The following PKNOX2 variants were observed in gnomAD, a reference collection of about 807,000 sequenced individuals.
PKNOX2 encodes the protein homeobox protein PKNOX2.
A neutral mutation model predicts 53.1 loss-of-function variants in PKNOX2; 14 were observed. The observed-to-expected ratio is 0.26, with a 90% CI of 0.17 to 0.41. The LOEUF (loss-of-function observed/expected upper bound fraction) is 0.41, where lower values mean the gene tolerates loss of function less well. Ranked by LOEUF, PKNOX2 falls within the 10% of genes least tolerant of loss-of-function variation. The probability of loss-of-function intolerance (pLI) is 1.00; values close to 1 mark genes in which losing one functional copy is unlikely to be tolerated. For missense variants in PKNOX2, 496 were observed against 602.8 expected (o/e 0.82, Z 1.85); for synonymous variants, 257 against 242.8 (o/e 1.06, Z -0.54).
At chr11:125,360,914 A>G (rs918550585) in intron 4 of PKNOX2, among the ~76,000 whole-genome samples, 2 of 152,198 alleles carry the variant, frequency 1.3e-5, no homozygotes, top group African/African-American at 4.8e-5. Context: ...TGCCCAAATC[A>G]CACAGGCAGG....
chr11:125,286,733 T>C (rs1032987677), intron 2 of PKNOX2, among the ~76,000 whole-genome samples: 4 of 152,214 alleles, frequency 2.6e-5, no homozygotes, highest in African/African-American at 9.6e-5. Context: ...CCAAAGTTCA[T>C]TGTGAATCTG....
chr11:125,376,882 A>C (rs556662659), intron 5 of PKNOX2, among the ~76,000 whole-genome samples: 1 of 152,308 alleles, frequency 6.6e-6, no homozygotes, highest in African/African-American at 2.4e-5. Flanking sequence ...AAAATAAATA[A>C]AAATAAATTT....
At chr11:125,368,046 G>C in intron 5 of PKNOX2, 61 bp downstream of exon 5, 1 of 1,559,640 alleles carries the variant, frequency 6.4e-7, no homozygotes, top group Non-Finnish European at 8.7e-7. Flanking sequence ...GCTCAGCTGT[G>C]AGGGATGAGA....
At position 125,352,812 on chromosome 11, in the gene PKNOX2, T is replaced by C. The variant is rs1275210027; in HGVS notation, c.87+1420T>C. ...CCATCCTCAGCGAGCCCTCTGCTCA[T>C]GCCAGTAGCTTCCATTAATAAGCCA... On this transcript the variant is annotated intron_variant, in intron 4 of 12. Transcript: ENST00000298282. The surrounding 1 kb of genome is among the most constrained non-coding windows in gnomAD (Gnocchi z 4.1). Among the ~76,000 whole-genome samples, 1 of 152,194 alleles carries C rather than the reference T, an allele frequency of 6.6e-6. No homozygotes were observed. Among genetic ancestry groups the C allele is most frequent in the Non-Finnish European group, 1.5e-5 (1 of 68,026 alleles).
intron 6 of PKNOX2, among the ~76,000 whole-genome samples, chr11:125,389,725 G>A (rs1255148144): frequency 6.6e-6 from 1 of 152,186 alleles, no homozygotes; most frequent in Non-Finnish European, 1.5e-5. Flanking sequence ...CAGGGCCAAG[G>A]TTTTATATAT....
At chr11:125,307,204 A>G (rs1395063159) in intron 2 of PKNOX2, among the ~76,000 whole-genome samples, 1 of 152,216 alleles carries the variant, frequency 6.6e-6, no homozygotes, top group Non-Finnish European at 1.5e-5. Context: ...AGATGGACGG[A>G]TGGACAGTTG....
In PKNOX2 at chr11:125,385,574, C is replaced by T. The variant is rs201383194; in HGVS notation, c.251C>T (p.Thr84Met). ...VYRHPLFPLL[T>M]LLFEKCEQAT... ...AGGCACCCTCTTTTCCCGCTCCTGA[C>T]GCTGCTGTTTGAGAAATGTGAACAG... The change falls in exon 6 of 13, where the codon ACG (threonine) becomes ATG (methionine). Residue 84 changes from threonine (T) to methionine (M), a missense_variant. By Grantham distance (81) the Thr-to-Met change is moderately conservative. Around this residue, in one of 5 missense-constraint regions of PKNOX2, gnomAD observed 168 missense variants for 178.4 expected, o/e 0.94. Coordinates refer to ENST00000298282, the MANE Select transcript of PKNOX2 (RefSeq NM_001382323.2). 1,994 of 1,611,174 alleles carry T rather than the reference C, an allele frequency of 1.2e-3. 2 individuals carry two copies. Among genetic ancestry groups the T allele is most frequent in the Non-Finnish European group, 1.5e-3 (1,812 of 1,178,886 alleles).
At chr11:125,283,036 C>T (rs1217424644) in intron 2 of PKNOX2, among the ~76,000 whole-genome samples, 1 of 152,120 alleles carries the variant, frequency 6.6e-6, no homozygotes, top group Non-Finnish European at 1.5e-5. Flanking sequence ...CCAATAATCC[C>T]AGCTACTCGG....
chr11:125,206,865 TAAG>T lies in PKNOX2; in HGVS notation c.-200-28176_-200-28174del, dbSNP rs967536658. On this transcript the variant is annotated intron_variant, in intron 1 of 12. Transcript: ENST00000298282. ...TTTTAGAAGGATCACGTTGGCAGTA[TAAG>T]AAGGCTGGATGAACGTGGGCAAGAC... is the stretch of plus-strand genomic sequence containing the variant. Among the ~76,000 whole-genome samples, 242 of 151,984 alleles carry T rather than the reference TAAG, an allele frequency of 1.6e-3. 3 individuals carry two copies. The highest frequency in any genetic ancestry group is 5.4e-3 in the African/African-American group (224 of 41,490).
chr11:125,346,014 T>TTGCGCCAGGGTTGAGGAGGC (rs1950951271), intron 3 of PKNOX2, among the ~76,000 whole-genome samples: 2 of 152,108 alleles, frequency 1.3e-5, no homozygotes, highest in African/African-American at 2.4e-5. Context: ...AAGAGACGGA[T>TTGCGCCAGGGTTGAGGAGGC]TGCGCCAGGG....
At chr11:125,293,056 A>G (rs977103420) in intron 2 of PKNOX2, among the ~76,000 whole-genome samples, 1 of 152,262 alleles carries the variant, frequency 6.6e-6, no homozygotes, top group Middle Eastern at 3.4e-3. Flanking sequence ...GCTGCCATTT[A>G]TGTCAAAACC....
At chr11:125,309,148 T>C (rs1184371818) in intron 2 of PKNOX2, among the ~76,000 whole-genome samples, 449 of 150,338 alleles carry the variant, frequency 3.0e-3, no homozygotes, top group African/African-American at 0.011. Flanking sequence ...TCTTTCTTTC[T>C]TTCTTTCTTT....
intron 2 of PKNOX2, among the ~76,000 whole-genome samples, chr11:125,257,872 A>T (rs1199009658): frequency 1.3e-5 from 2 of 152,178 alleles, no homozygotes; most frequent in African/African-American, 4.8e-5. Context: ...CTCATCATTA[A>T]GCCAGTGGCG....
intron 6 of PKNOX2, among the ~76,000 whole-genome samples, chr11:125,390,767 C>G (rs921067689): frequency 1.3e-5 from 2 of 152,258 alleles, no homozygotes; most frequent in African/African-American, 4.8e-5. Context: ...GGTACCACTT[C>G]TTTCCCAAAT....
chr11:125,286,670 G>A (rs1159189054), intron 2 of PKNOX2, among the ~76,000 whole-genome samples: 1 of 152,222 alleles, frequency 6.6e-6, no homozygotes, highest in East Asian at 1.9e-4. Flanking sequence ...CTGCTGGGCT[G>A]GGCGGAGCAA....
intron 1 of PKNOX2, among the ~76,000 whole-genome samples, chr11:125,175,359 C>T (rs1293132784): frequency 6.6e-6 from 1 of 152,208 alleles, no homozygotes; most frequent in Non-Finnish European, 1.5e-5. Context: ...TGCACAGAGT[C>T]CTGGTTCTGG....
chr11:125,312,629 C>T (rs958099612), intron 2 of PKNOX2, among the ~76,000 whole-genome samples: 3 of 152,172 alleles, frequency 2.0e-5, no homozygotes, highest in African/African-American at 7.2e-5. Context: ...CTGCCTGCCA[C>T]CCCCCGAGTG....
chr11:125,167,576 G>C (rs1954986827), intron 1 of PKNOX2, among the ~76,000 whole-genome samples: 1 of 152,200 alleles, frequency 6.6e-6, no homozygotes, highest in African/African-American at 2.4e-5. Context: ...GGGGTTACCG[G>C]AGGGAGATGG....
chr11:125,296,618 A>G (rs73621016), intron 2 of PKNOX2, among the ~76,000 whole-genome samples: 3,284 of 152,126 alleles, frequency 0.022, 107 homozygotes, highest in African/African-American at 0.074. Context: ...CCAGCATGCT[A>G]TGCAGGTACT....
Sources: gnomAD v4.1 joint callset for allele counts (sites outside exome capture counted in the v4.1 genomes callset) on GRCh38, gnomAD v4.1.1 for gene constraint, gnomAD v4.1.1 regional missense constraint, Gnocchi (gnomAD v3.1) non-coding constraint, MANE v1.5 for transcripts, NCBI Gene and HGNC (gene_info 2026-07-23, HGNC 2026-07-21) for gene names.